DPYS: variants seen among roughly 807,000 people sequenced by gnomAD.
The protein encoded by DPYS is dihydropyrimidinase, also known as dihydropyrimidine amidohydrolase.
DPYS carries 39 observed loss-of-function variants against 50.3 expected under a neutral mutation model. That is an observed-to-expected ratio of 0.78 (90% CI 0.60 to 1.01). The LOEUF (loss-of-function observed/expected upper bound fraction) is 1.01, where lower values mean the gene tolerates loss of function less well. Ranked by LOEUF, DPYS falls within the 50% of genes least tolerant of loss-of-function variation. The probability of loss-of-function intolerance (pLI) is 0.00; values close to 1 mark genes in which losing one functional copy is unlikely to be tolerated. For synonymous variants in DPYS, 245 were observed against 250.7 expected (o/e 0.98, Z 0.22); for missense variants, 659 against 680.9 (o/e 0.97, Z 0.36).
intron 4 of DPYS, among the ~76,000 whole-genome samples, chr8:104,438,297 A>C (rs1382077084): frequency 1.3e-5 from 2 of 152,194 alleles, no homozygotes; most frequent in Non-Finnish European, 2.9e-5. Context: ...TATGATGAAG[A>C]AGCTAGAACT....
chr8:104,453,443 T>C (rs1011312526), intron 1 of DPYS, among the ~76,000 whole-genome samples: 2 of 152,232 alleles, frequency 1.3e-5, no homozygotes, highest in Non-Finnish European at 2.9e-5. Context: ...ATTTTTCTAA[T>C]AGAATCTGCT....
intron 7 of DPYS, among the ~76,000 whole-genome samples, chr8:104,397,428 G>A (rs1811632043): frequency 6.6e-6 from 1 of 152,146 alleles, no homozygotes; most frequent in Non-Finnish European, 1.5e-5. Context: ...TGTTTAGTCA[G>A]GTTGGTTTAA....
intron 8 of DPYS, among the ~76,000 whole-genome samples, chr8:104,392,187 C>T (rs1387549514): frequency 6.6e-6 from 1 of 152,148 alleles, no homozygotes; most frequent in Non-Finnish European, 1.5e-5. Context: ...GACCTCTGAA[C>T]TTCATTACAC....
At chr8:104,411,519 C>A (rs1027603392) in intron 7 of DPYS, among the ~76,000 whole-genome samples, 2 of 151,696 alleles carry the variant, frequency 1.3e-5, no homozygotes, top group Non-Finnish European at 2.9e-5. Flanking sequence ...GGAGGGCTCA[C>A]GGGAAGAAAA....
chr8:104,434,748 G>A (rs960059479), intron 4 of DPYS, among the ~76,000 whole-genome samples: 8 of 152,136 alleles, frequency 5.3e-5, no homozygotes, highest in East Asian at 1.9e-4. Context: ...CCTAGCATGC[G>A]CTTGGCATCC....
chr8:104,381,156 A>G lies in DPYS; in HGVS notation c.*14+28T>C, dbSNP rs749267863. 5 of 1,574,966 alleles carry G rather than the reference A, an allele frequency of 3.2e-6. No homozygotes were observed. In the East Asian group the frequency reaches 9.0e-5, roughly 28 times the overall value. ...CTAATTTCATATGCTGTCATGCAGG[A>G]AGACTTTTCTTGCCTACAGTCCCTT... On this transcript the variant is annotated intron_variant, in intron 9 of 9. Transcript: ENST00000351513.
At chr8:104,393,142 A>T (rs925186531) in intron 7 of DPYS, 151 bp from the exon 8 acceptor site, 5 of 712,122 alleles carry the variant, frequency 7.0e-6, no homozygotes, top group Non-Finnish European at 1.2e-5. Flanking sequence ...TAAGAATAGA[A>T]CATAACATTA....
intron 1 of DPYS, among the ~76,000 whole-genome samples, chr8:104,461,291 C>CAGTAA (rs1814154973): frequency 9.1e-6 from 1 of 110,224 alleles, no homozygotes; most frequent in African/African-American, 3.6e-5. Flanking sequence ...GACCCTGTCT[C>CAGTAA]AATAAAATAA....
chr8:104,398,974 G>T (rs900211347), intron 7 of DPYS, among the ~76,000 whole-genome samples: 22 of 152,166 alleles, frequency 1.4e-4, no homozygotes, highest in African/African-American at 4.6e-4. Context: ...TGCTTTGAAG[G>T]CTGGGAGATA....
chr8:104,381,125 G>C, intron 9 of DPYS, 59 bp downstream of exon 9: 1 of 1,389,232 alleles, frequency 7.2e-7, no homozygotes, highest in South Asian at 1.2e-5. Context: ...CTTATGAGGA[G>C]AGATGCTAAT....
At chr8:104,450,533 A>G (rs923305997) in intron 2 of DPYS, among the ~76,000 whole-genome samples, 2 of 152,238 alleles carry the variant, frequency 1.3e-5, no homozygotes, top group Admixed American at 1.3e-4. Flanking sequence ...TCACACACAC[A>G]TTTATGTGGG....
intron 8 of DPYS, among the ~76,000 whole-genome samples, chr8:104,386,837 A>C (rs545390439): frequency 2.0e-5 from 3 of 152,100 alleles, no homozygotes; most frequent in Admixed American, 2.0e-4. Flanking sequence ...CATGTTGGCC[A>C]GGCTAGTCTT....
At chr8:104,392,591 A>C (rs577417577) in intron 8 of DPYS, among the ~76,000 whole-genome samples, 193 bp downstream of exon 8, 1 of 152,290 alleles carries the variant, frequency 6.6e-6, no homozygotes, top group Non-Finnish European at 1.5e-5. Flanking sequence ...TGCAAGGGGA[A>C]ATGCGTGCAT....
intron 4 of DPYS, among the ~76,000 whole-genome samples, chr8:104,434,544 T>A (rs1350428292): frequency 6.6e-6 from 1 of 152,206 alleles, no homozygotes; most frequent in East Asian, 1.9e-4. Flanking sequence ...CAAGAGAACT[T>A]TTTATTTTAC....
intron 7 of DPYS, among the ~76,000 whole-genome samples, chr8:104,397,915 A>G (rs983478047): frequency 1.3e-5 from 2 of 152,270 alleles, no homozygotes; most frequent in Non-Finnish European, 2.9e-5. Context: ...AGTTTTAAAC[A>G]TAAAAATACA....
intron 7 of DPYS, among the ~76,000 whole-genome samples, chr8:104,394,839 G>A (rs989701172): frequency 6.8e-6 from 1 of 147,702 alleles, no homozygotes; most frequent in Non-Finnish European, 1.5e-5. Flanking sequence ...ATGTCAGGGA[G>A]ATCGTTTATA....
intron 4 of DPYS, among the ~76,000 whole-genome samples, chr8:104,435,968 CT>C (rs1488721072): frequency 1.3e-5 from 2 of 152,116 alleles, no homozygotes; most frequent in Non-Finnish European, 2.9e-5. Flanking sequence ...TCATGAAGAG[CT>C]TTCCTCCTGG....
intron 4 of DPYS, among the ~76,000 whole-genome samples, chr8:104,433,547 T>G (rs942728153): frequency 6.6e-6 from 1 of 151,950 alleles, no homozygotes; most frequent in South Asian, 2.1e-4. Context: ...GGCATGAGAA[T>G]CACTTGAACC....
intron 7 of DPYS, among the ~76,000 whole-genome samples, chr8:104,393,292 T>C (rs1450088990): frequency 6.6e-6 from 1 of 152,244 alleles, no homozygotes; most frequent in African/African-American, 2.4e-5. Flanking sequence ...TTTATTTATA[T>C]GTTAACAACA....
Sources: gnomAD v4.1 joint callset for allele counts (sites outside exome capture counted in the v4.1 genomes callset) on GRCh38, gnomAD v4.1.1 for gene constraint, MANE v1.5 for transcripts, NCBI Gene and HGNC (gene_info 2026-07-23, HGNC 2026-07-21) for gene names.